Variants in DISP3 observed in about 807,000 individuals in gnomAD.
DISP3 encodes dispatched RND transporter family member 3, also known as protein dispatched homolog 3.
Under a neutral mutation model 135.3 loss-of-function variants are expected in DISP3, and 101 were observed. The ratio of observed to expected loss-of-function variants is 0.75; its 90% confidence interval spans 0.64 to 0.88. The LOEUF is 0.88. Among genes scored for constraint, DISP3 ranks in the 40% least tolerant of loss-of-function variants. DISP3 has a pLI of 0.00. For missense variants in DISP3, 1,713 were observed against 1,878.6 expected (o/e 0.91, Z 1.63); for synonymous variants, 856 against 817.0 (o/e 1.05, Z -0.81).
chr1:11,487,944 G>C (rs1641083470), intron 1 of DISP3, among the ~76,000 whole-genome samples: 1 of 152,196 alleles, frequency 6.6e-6, no homozygotes, highest in Non-Finnish European at 1.5e-5. Context: ...ACACTCCTGT[G>C]TCCTGGCCCT....
chr1:11,488,406 C>T lies in DISP3; in HGVS notation c.-4+9034C>T, dbSNP rs144573326. Among the ~76,000 whole-genome samples, 78 of 152,298 alleles carry T rather than the reference C, an allele frequency of 5.1e-4. No homozygotes were observed. The East Asian group carries it at 0.014, about 28-fold the overall frequency. On this transcript the variant is annotated intron_variant, in intron 1 of 20. Coordinates refer to ENST00000294484, the MANE Select transcript of DISP3 (RefSeq NM_020780.2). ...GTACTGAGCCCATCTCCTGGATGGA[C>T]ACCTGCTCCCCACTATCCATGCCTG...
chr1:11,530,806 G>A (rs999744352), intron 15 of DISP3, 101 bp from the exon 16 acceptor site: 3 of 1,475,058 alleles, frequency 2.0e-6, no homozygotes, highest in East Asian at 4.6e-5. Flanking sequence ...CAGGTAGCAG[G>A]AAGCTGCTGG....
chr1:11,490,783 G>C (rs750522303), intron 1 of DISP3, among the ~76,000 whole-genome samples: 7 of 152,158 alleles, frequency 4.6e-5, no homozygotes, highest in Non-Finnish European at 1.0e-4. Flanking sequence ...TACCTCCAGA[G>C]GCTCCAATCC....
intron 1 of DISP3, among the ~76,000 whole-genome samples, chr1:11,492,152 A>G (rs1641205008): frequency 6.7e-6 from 1 of 149,014 alleles, no homozygotes; most frequent in African/African-American, 2.5e-5. Flanking sequence ...AAAGAAGTTA[A>G]TAATCGTACT....
intron 17 of DISP3, among the ~76,000 whole-genome samples, chr1:11,532,239 ACT>A (rs911561950): frequency 1.3e-5 from 2 of 151,906 alleles, no homozygotes; most frequent in Non-Finnish European, 2.9e-5. Flanking sequence ...CACTGTGGGG[ACT>A]CTCGGCCCTG....
At position 11,483,770 on chromosome 1, in the gene DISP3, G is replaced by C. The variant is rs775852294; in HGVS notation, c.-4+4398G>C. 2.6e-5 allele frequency among the ~76,000 whole-genome samples: 4 copies of C among 152,206 alleles called. No individual in the cohort carries two copies. Among genetic ancestry groups the C allele is most frequent in the African/African-American group, 9.7e-5 (4 of 41,442 alleles). On this transcript the variant is annotated intron_variant, in intron 1 of 20. Transcript: ENST00000294484. The surrounding 1 kb of genome is among the most constrained non-coding windows in gnomAD (Gnocchi z 5.4). ...ATGGCTGGGCCGGAGCTGAGTCCCCGTGAGAGTCTGGAATGGGACTCAAGC... is the reference window on the plus strand; with the variant it reads ...ATGGCTGGGCCGGAGCTGAGTCCCCCTGAGAGTCTGGAATGGGACTCAAGC...
Position 11,520,753 on chromosome 1 carries a change from C to T in DISP3, c.2267C>T (p.Ala756Val). The change falls in exon 10 of 21, where the codon GCC (alanine) becomes GTC (valine). Residue 756 changes from alanine (A) to valine (V), a missense_variant. By Grantham distance (64) the Ala-to-Val change is moderately conservative (BLOSUM62 0). This residue lies in a region of DISP3 where 1,142 missense variants were observed against 1,384.6 expected (regional missense o/e 0.82). Coordinates refer to ENST00000294484, the MANE Select transcript of DISP3 (RefSeq NM_020780.2). This position sits in a 1 kb window ranked among gnomAD's most constrained non-coding sequence, Gnocchi z 4.8. ...FASRLRPASR[A>V]PLLFRPDTNI... is the part of the protein sequence containing the mutation. ...AGCCGGCTCCGCCCCGCCAGCCGGGCCCCGCTACTCTTCCGGCCTGATACC... is the reference window on the plus strand; with the variant it reads ...AGCCGGCTCCGCCCCGCCAGCCGGGTCCCGCTACTCTTCCGGCCTGATACC... 6.2e-7 allele frequency: 1 copy of T among 1,613,562 alleles called. No homozygotes were observed. Among genetic ancestry groups the T allele is most frequent in the African/African-American group, 1.3e-5 (1 of 75,054 alleles).
At chr1:11,534,710 C>T (rs1166480408) in intron 18 of DISP3, among the ~76,000 whole-genome samples, 170 bp downstream of exon 18, 2 of 152,234 alleles carry the variant, frequency 1.3e-5, no homozygotes, top group African/African-American at 4.8e-5. Context: ...TTTGGGTCCT[C>T]TCCTGTCGGG....
intron 17 of DISP3, among the ~76,000 whole-genome samples, chr1:11,533,352 T>C (rs188241942): frequency 6.6e-6 from 1 of 151,104 alleles, no homozygotes; most frequent in East Asian, 2.0e-4. Flanking sequence ...GCCTCCCAGG[T>C]TCAAGTGATT....
rs189926154 is a variant in DISP3, at chr1:11,517,696, G to C, written c.1889+94G>C. 2.7e-6 allele frequency: 4 copies of C among 1,462,448 alleles called. No homozygotes were observed. The East Asian group carries it at 7.1e-5, about 26-fold the overall frequency. The allele number at this position is 1,462,448 out of a possible 1,614,324, so 90.6% of individuals were successfully genotyped here. ...GCAACCTCTCTTCCAAAAGCCTTCT[G>C]TATGACCAGTCCTTTGCTAGGCAGG... On this transcript the variant is annotated intron_variant, in intron 7 of 20. Transcript: ENST00000294484.
intron 20 of DISP3, among the ~76,000 whole-genome samples, chr1:11,535,939 C>T (rs373620896): frequency 5.5e-4 from 84 of 152,302 alleles, no homozygotes; most frequent in African/African-American, 1.9e-3. Context: ...GACTCATTCT[C>T]CTTCCAGCCA....
Position 11,479,335 on chromosome 1 carries a change from C to G in DISP3, c.-41C>G, listed in dbSNP as rs2100335849. 6.5e-6 allele frequency: 1 copy of G among 154,512 alleles called. No homozygotes were observed. Among genetic ancestry groups the G allele is most frequent in the African/African-American group, 2.4e-5 (1 of 41,584 alleles). 9.6% of individuals were successfully genotyped at this position (154,512 alleles called of 1,614,324 possible). A position where few individuals can be genotyped will look rare whatever the true frequency, so the allele number is the denominator to read the frequency against. ...CCGACCCTCTGCGCACTCTCTCCCG[C>G]GCCGGCGGCTCAGCCTAGCCCCGTT... is the stretch of plus-strand genomic sequence containing the variant. On this transcript the variant is annotated 5_prime_UTR_variant, in exon 1 of 21. Coordinates refer to ENST00000294484, the MANE Select transcript of DISP3 (RefSeq NM_020780.2).
intron 1 of DISP3, among the ~76,000 whole-genome samples, chr1:11,489,989 T>C (rs1641139005): frequency 6.6e-6 from 1 of 152,230 alleles, no homozygotes; most frequent in Non-Finnish European, 1.5e-5. Flanking sequence ...GGGATCTTTT[T>C]ATCTTTTATT....
At chr1:11,497,429 C>T (rs1331213304) in intron 1 of DISP3, among the ~76,000 whole-genome samples, 1 of 151,808 alleles carries the variant, frequency 6.6e-6, no homozygotes, top group Non-Finnish European at 1.5e-5. Flanking sequence ...TCTGTCGTCG[C>T]CCAGGCTGGA....
rs1295611477 is a variant in DISP3, at chr1:11,501,483, G to T, written c.491G>T (p.Arg164Leu). ...CTGCAGCAGCTGCATCTCGGCAACC[G>T]CTCGCGGCAAGCCTCCCGAGCCCCC... is the stretch of plus-strand genomic sequence containing the variant. ...EQLQQLHLGN[R>L]SRQASRAPRV... The change falls in exon 2 of 21, where the codon CGC becomes CTC. Residue 164 changes from arginine (R) to leucine (L), a missense_variant. By Grantham distance (102) the Arg-to-Leu change is moderately radical. Coordinates refer to ENST00000294484, the MANE Select transcript of DISP3 (RefSeq NM_020780.2). The surrounding 1 kb of genome is among the most constrained non-coding windows in gnomAD (Gnocchi z 4.9). 5.6e-6 allele frequency: 9 copies of T among 1,605,332 alleles called. No homozygotes were observed. Among genetic ancestry groups the T allele is most frequent in the Non-Finnish European group, 6.8e-6 (8 of 1,176,052 alleles).
chr1:11,518,528 G>A lies in DISP3; in HGVS notation c.1890-827G>A, dbSNP rs750906020. On this transcript the variant is annotated intron_variant, in intron 7 of 20. Coordinates refer to ENST00000294484, the MANE Select transcript of DISP3 (RefSeq NM_020780.2). Reference sequence around the variant, plus strand: ...AGAAGCAGCGTCATGGGGAAAGGGCGCCTTTTCTGATCTCTACAGAGATGC... The same window carrying A: ...AGAAGCAGCGTCATGGGGAAAGGGCACCTTTTCTGATCTCTACAGAGATGC... Among the ~76,000 whole-genome samples the A allele has an allele frequency of 7.9e-5, 12 of 152,288 alleles. No individual in the cohort carries two copies. In the East Asian group the frequency reaches 1.2e-3, roughly 15 times the overall value.
chr1:11,495,577 G>T (rs973655115), intron 1 of DISP3, among the ~76,000 whole-genome samples: 2 of 152,164 alleles, frequency 1.3e-5, no homozygotes, highest in African/African-American at 4.8e-5. Flanking sequence ...ATGATCTTGG[G>T]TTAGTCCCTT....
Position 11,501,280 on chromosome 1 carries a change from C to T in DISP3, c.288C>T (p.Tyr96=), listed in dbSNP as rs1421459047. 1.9e-6 allele frequency: 3 copies of T among 1,614,046 alleles called. No homozygotes were observed. The highest frequency in any genetic ancestry group is 2.5e-6 in the Non-Finnish European group (3 of 1,180,048). The change falls in exon 2 of 21, where the codon TAC becomes TAT. Residue 96 remains tyrosine, a synonymous_variant. Transcript: ENST00000294484. The surrounding 1 kb of genome is among the most constrained non-coding windows in gnomAD (Gnocchi z 4.9). ...TGTCAGCCTTCATGTTCCTTTACTA[C>T]CCACCGCTGGACATTGACATCTCCT... The part of the protein sequence containing the change: ...MALSAFMFLY[Y]PPLDIDISYN...
intron 3 of DISP3, among the ~76,000 whole-genome samples, chr1:11,504,034 A>G (rs1353534111): frequency 6.6e-6 from 1 of 152,152 alleles, no homozygotes; most frequent in African/African-American, 2.4e-5. Flanking sequence ...CCCCACCCTG[A>G]TAGGCCAGTC....
Sources: allele counts gnomAD v4.1 joint callset (sites outside exome capture counted in the v4.1 genomes callset), GRCh38; gene constraint gnomAD v4.1.1; regional missense constraint gnomAD v4.1.1; non-coding constraint Gnocchi (gnomAD v3.1); transcripts MANE v1.5; gene names NCBI Gene and HGNC (gene_info 2026-07-23, HGNC 2026-07-21).